The following MGAT4B variants were observed in gnomAD, a reference collection of about 807,000 sequenced individuals.
The protein encoded by MGAT4B is N-acetylglucosaminyltransferase IVb.
MGAT4B carries 38 observed loss-of-function variants against 73.9 expected under a neutral mutation model. The observed-to-expected ratio is 0.51, with a 90% CI of 0.40 to 0.67. The LOEUF is 0.67. Ranked by LOEUF, MGAT4B falls within the 30% of genes least tolerant of loss-of-function variation. The pLI is 0.00. For synonymous variants in MGAT4B, 373 were observed against 313.5 expected (o/e 1.19, Z -2.01); for missense variants, 686 against 735.2 (o/e 0.93, Z 0.77).
Position 179,798,028 on chromosome 5 carries a change from C to A in MGAT4B, c.*17G>T, listed in dbSNP as rs1235042894. On this transcript the variant is annotated 3_prime_UTR_variant, in exon 15 of 15. Coordinates refer to ENST00000292591, the MANE Select transcript of MGAT4B (RefSeq NM_014275.5). ...GGCTTCAGGGCTGGCCACAGGGTAC[C>A]CTCAGAAGCCCGCAGCTTAGTCGGC... 1 of 1,604,744 alleles carries A rather than the reference C, an allele frequency of 6.2e-7. No homozygotes were observed.
In MGAT4B at chr5:179,801,884, G is replaced by A. The variant is rs747708731; in HGVS notation, c.183C>T (p.Ser61=). 13 of 1,612,818 alleles carry A rather than the reference G, an allele frequency of 8.1e-6. No homozygotes were observed. The South Asian group carries it at 1.3e-4, about 16-fold the overall frequency. Residue 61 remains serine (S), a synonymous_variant, in exon 2 of 15, where the codon TCC becomes TCT. Coordinates refer to ENST00000292591, the MANE Select transcript of MGAT4B (RefSeq NM_014275.5). This position sits in a 1 kb window ranked among gnomAD's most constrained non-coding sequence, Gnocchi z 4.8. ...CGTCCAGCACCAGGTTGAGCTCCTT[G>A]GAGCGCTTGAGGCTCTCCTGCTCAG... The part of the protein sequence containing the change: ...HAAEQESLKR[S]KELNLVLDEI...
At chr5:179,802,393 A>G in intron 1 of MGAT4B, 1 of 1,232,932 alleles carries the variant, frequency 8.1e-7, no homozygotes, top group East Asian at 3.7e-5. Context: ...TCCTGGTGCT[A>G]GCTCTTCACT....
Position 179,801,893 on chromosome 5 carries a change from G to C in MGAT4B, c.174C>G (p.Leu58=), listed in dbSNP as rs11547064. Residue 58 remains leucine (L), a synonymous_variant, in exon 2 of 15, where the codon CTC becomes CTG. Transcript: ENST00000292591. This position sits in a 1 kb window ranked among gnomAD's most constrained non-coding sequence, Gnocchi z 4.8. ...DRLHAAEQES[L]KRSKELNLVL... ...CCAGGTTGAGCTCCTTGGAGCGCTT[G>C]AGGCTCTCCTGCTCAGCTGCGTGCA... 0.022 allele frequency: 36,180 copies of C among 1,613,112 alleles called. 648 individuals carry two copies. Among genetic ancestry groups the C allele is most frequent in the African/African-American group, 0.085 (6,371 of 75,038 alleles).
intron 11 of MGAT4B, 99 bp downstream of exon 11, chr5:179,798,829 C>G (rs765751203): frequency 1.5e-5 from 21 of 1,420,400 alleles, no homozygotes; most frequent in Admixed American, 2.0e-5. Context: ...ACTTCAGATG[C>G]GGAAACTGAA....
intron 1 of MGAT4B, chr5:179,802,901 T>C: frequency 1.0e-6 from 1 of 985,384 alleles, no homozygotes; most frequent in Non-Finnish European, 1.2e-6. Flanking sequence ...AGGCCTTCTG[T>C]TTCCAAGTCT....
At position 179,798,354 on chromosome 5, in the gene MGAT4B, G is replaced by T; in HGVS notation, c.1503C>A (p.Leu501=). The T allele has an allele frequency of 6.2e-7, 1 of 1,613,104 alleles. No individual in the cohort carries two copies. The highest frequency in any genetic ancestry group is 8.5e-7 in the Non-Finnish European group (1 of 1,179,998). ...CCCCCAAACCCTACCCACCGATCTGGAGGTAGCCGTCGGGGCTCCGAGGGT... is the reference window on the plus strand; with the variant it reads ...CCCCCAAACCCTACCCACCGATCTGTAGGTAGCCGTCGGGGCTCCGAGGGT... ...LRYPRSPDGY[L]QIGSFYKGVA... The change falls in exon 13 of 15, where the codon CTC becomes CTA. Residue 501 remains leucine, a synonymous_variant. Coordinates refer to ENST00000292591, the MANE Select transcript of MGAT4B (RefSeq NM_014275.5).
Position 179,800,570 on chromosome 5 carries a change from G to C in MGAT4B, c.633C>G (p.Leu211=). ...GGGGGGAGGGTGAGATGACCTCCAGGAGCCCAGAATGGATCTCCGTGGGGA... is the reference window on the plus strand; with the variant it reads ...GGGGGGAGGGTGAGATGACCTCCAGCAGCCCAGAATGGATCTCCGTGGGGA... The part of the protein sequence containing the change: ...ALFPTEIHSG[L]LEVISPSPHF... The change falls in exon 6 of 15, where the codon CTC becomes CTG. Residue 211 remains leucine, a synonymous_variant. Coordinates refer to ENST00000292591, the MANE Select transcript of MGAT4B (RefSeq NM_014275.5). 1 of 1,611,702 alleles carries C rather than the reference G, an allele frequency of 6.2e-7. No homozygotes were observed. Among genetic ancestry groups the C allele is most frequent in the South Asian group, 1.1e-5 (1 of 90,880 alleles).
Position 179,802,215 on chromosome 5 carries a change from C to T in MGAT4B, c.98-246G>A, listed in dbSNP as rs950599769. 51 of 1,466,866 alleles carry T rather than the reference C, an allele frequency of 3.5e-5. No individual in the cohort carries two copies. In the East Asian group the frequency reaches 6.4e-4, roughly 18 times the overall value. 90.9% of individuals were successfully genotyped at this position (1,466,866 alleles called of 1,614,324 possible). A position where few individuals can be genotyped will look rare whatever the true frequency, so the allele number is the denominator to read the frequency against. ...TCTCCCCCACCGGGGGTTATTTTATCCTCTGAGAAGGCATCTGAAGTGGAA... is the reference window on the plus strand; with the variant it reads ...TCTCCCCCACCGGGGGTTATTTTATTCTCTGAGAAGGCATCTGAAGTGGAA... On this transcript the variant is annotated intron_variant, in intron 1 of 14. Coordinates refer to ENST00000292591, the MANE Select transcript of MGAT4B (RefSeq NM_014275.5).
At chr5:179,799,773 G>A in intron 8 of MGAT4B, 137 bp from the exon 9 acceptor site, 1 of 1,368,010 alleles carries the variant, frequency 7.3e-7, no homozygotes, top group Non-Finnish European at 1.0e-6. Flanking sequence ...AGGCAGACAG[G>A]TGATGAGGGC....
At chr5:179,802,427 C>T in intron 1 of MGAT4B, 1 of 1,112,622 alleles carries the variant, frequency 9.0e-7, no homozygotes, top group Non-Finnish European at 1.1e-6. Flanking sequence ...TCGCTGGTTG[C>T]TCACCCTGCA....
chr5:179,801,958 C>T lies in MGAT4B; in HGVS notation c.109G>A (p.Asp37Asn), dbSNP rs755776137. ...GCCAGGAACTCCCGCTGGTAAACGT[C>T]CACAACGTCGCCTGCAGGTGGTAGG... ...ALSGQKGDVV[D>N]VYQREFLALR... The change falls in exon 2 of 15, where the codon GAC (aspartate) becomes AAC (asparagine). Residue 37 changes from aspartate (D) to asparagine (N), a missense_variant. Asp to Asn is a conservative substitution (Grantham distance 23). This residue lies in a region of MGAT4B where 237 missense variants were observed against 198.5 expected (regional missense o/e 1.19). Transcript: ENST00000292591. The surrounding 1 kb of genome is among the most constrained non-coding windows in gnomAD (Gnocchi z 4.8). 6.2e-7 allele frequency: 1 copy of T among 1,613,432 alleles called. No homozygotes were observed. The highest frequency in any genetic ancestry group is 1.7e-5 in the Admixed American group (1 of 60,028).
Position 179,800,027 on chromosome 5 carries a change from G to A in MGAT4B, c.837C>T (p.Thr279=), listed in dbSNP as rs1392301084. 5.0e-6 allele frequency: 8 copies of A among 1,614,068 alleles called. No individual in the cohort carries two copies. Among genetic ancestry groups the A allele is most frequent in the Non-Finnish European group, 6.8e-6 (8 of 1,180,028 alleles). The change falls in exon 8 of 15, where the codon ACC becomes ACT. Residue 279 remains threonine (T), a synonymous_variant. Coordinates refer to ENST00000292591, the MANE Select transcript of MGAT4B (RefSeq NM_014275.5). ...DIVAKPNYLS[T]MKNFALQQPS... ...GCTGCTGCAGTGCAAAGTTCTTCAT[G>A]GTGCTCAGGTAGTTGGGCTTGGCCA...
At chr5:179,800,353 CA>C in intron 6 of MGAT4B, 94 bp from the exon 7 acceptor site, 2 of 1,492,156 alleles carry the variant, frequency 1.3e-6, no homozygotes, top group Non-Finnish European at 1.9e-6. Flanking sequence ...TCTGTCCCCC[CA>C]CCCCCATGCA....
chr5:179,800,638 G>T, intron 5 of MGAT4B, 41 bp from the exon 6 acceptor site: 3 of 1,396,098 alleles, frequency 2.1e-6, no homozygotes, highest in Middle Eastern at 2.4e-4. Context: ...AGCCTCCAGG[G>T]GCTGAGAGGG....
Position 179,799,954 on chromosome 5 carries a change from C to T in MGAT4B, c.910G>A (p.Gly304Ser). Residue 304 changes from glycine to serine, a missense_variant and splice_region_variant, in exon 8 of 15, where the codon GGT (glycine) becomes AGT (serine). Physicochemically the swap from Gly to Ser is moderately conservative, Grantham distance 56 (BLOSUM62 0). Around this residue, in one of 2 missense-constraint regions of MGAT4B, gnomAD observed 449 missense variants for 536.8 expected, o/e 0.84. Coordinates refer to ENST00000292591, the MANE Select transcript of MGAT4B (RefSeq NM_014275.5). ...ILEFSQLGFI[G>S]KMFKSLDLSL... ...CCGTCAGGTAAGGGGAGGGGCACACCAATGAAGCCCAGCTGGGAGAACTCC... is the reference window on the plus strand; with the variant it reads ...CCGTCAGGTAAGGGGAGGGGCACACTAATGAAGCCCAGCTGGGAGAACTCC... 1 of 1,611,566 alleles carries T rather than the reference C, an allele frequency of 6.2e-7. No individual in the cohort carries two copies. The highest frequency in any genetic ancestry group is 8.5e-7 in the Non-Finnish European group (1 of 1,177,920).
intron 1 of MGAT4B, chr5:179,803,668 T>C (rs1455709700): frequency 6.6e-6 from 1 of 152,232 alleles, no homozygotes; most frequent in Non-Finnish European, 1.5e-5. Context: ...TGGTGGGTGA[T>C]GCTGCCTGAA....
At chr5:179,802,205 G>T (rs971424110) in intron 1 of MGAT4B, 2 of 1,477,716 alleles carry the variant, frequency 1.4e-6, no homozygotes. Context: ...CCCACCGGGG[G>T]TTATTTTATC....
In MGAT4B at chr5:179,797,970, G is replaced by T. The variant is rs530130526; in HGVS notation, c.*75C>A. ...TGGGCGGGGCCGTATCTGGCCCTCCGGGGACGGCAGTGACGACACCCCCAG... is the reference window on the plus strand; with the variant it reads ...TGGGCGGGGCCGTATCTGGCCCTCCTGGGACGGCAGTGACGACACCCCCAG... On this transcript the variant is annotated 3_prime_UTR_variant, in exon 15 of 15. Coordinates refer to ENST00000292591, the MANE Select transcript of MGAT4B (RefSeq NM_014275.5). 6.5e-7 allele frequency: 1 copy of T among 1,537,608 alleles called. No homozygotes were observed. The highest frequency in any genetic ancestry group is 1.2e-5 in the South Asian group (1 of 84,748).
chr5:179,800,610 A>G lies in MGAT4B; in HGVS notation c.606-13T>C, dbSNP rs1756874195. The stretch of plus-strand genomic sequence containing the variant: ...CTCCGTGGGGAACCTGGGGGACGGG[A>G]AGGCCTAGTCCGTATGCAGCCTCCA... On this transcript the variant is annotated splice_polypyrimidine_tract_variant and intron_variant, in intron 5 of 14. Coordinates refer to ENST00000292591, the MANE Select transcript of MGAT4B (RefSeq NM_014275.5). 6.4e-7 allele frequency: 1 copy of G among 1,561,624 alleles called. No individual in the cohort carries two copies. The highest frequency in any genetic ancestry group is 1.4e-5 in the African/African-American group (1 of 73,768).
Sources: allele counts gnomAD v4.1 joint callset, GRCh38; gene constraint gnomAD v4.1.1; regional missense constraint gnomAD v4.1.1; non-coding constraint Gnocchi (gnomAD v3.1); transcripts MANE v1.5; gene names NCBI Gene and HGNC (gene_info 2026-07-23, HGNC 2026-07-21).